The following ADAMTSL2 variants were observed in gnomAD, a reference collection of about 807,000 sequenced individuals.
ADAMTSL2 encodes the protein ADAMTS like 2.
In ADAMTSL2, 55 loss-of-function variants were observed where a neutral mutation model predicts 117.0. The observed-to-expected ratio is 0.47, with a 90% CI of 0.38 to 0.59. The LOEUF is 0.59. Ranked by LOEUF, ADAMTSL2 falls within the 20% of genes least tolerant of loss-of-function variation. The probability of loss-of-function intolerance (pLI) is 0.00; values close to 1 mark genes in which losing one functional copy is unlikely to be tolerated. For synonymous variants in ADAMTSL2, 572 were observed against 566.4 expected (o/e 1.01, Z -0.14); for missense variants, 1,182 against 1,354.5 (o/e 0.87, Z 2.00).
chr9:133,541,124 T>A, intron 7 of ADAMTSL2, 123 bp downstream of exon 7: 1 of 1,397,096 alleles, frequency 7.2e-7, no homozygotes, highest in Non-Finnish European at 9.9e-7. Flanking sequence ...TAGGGGCACC[T>A]GATTCAGCAT....
At chr9:133,546,731 C>A (rs528621443) in intron 8 of ADAMTSL2, among the ~76,000 whole-genome samples, 1 of 152,286 alleles carries the variant, frequency 6.6e-6, no homozygotes, top group South Asian at 2.1e-4. Flanking sequence ...TGTGGTGCGA[C>A]CTCATTACCT....
chr9:133,555,253 A>G (rs113986274), intron 10 of ADAMTSL2, among the ~76,000 whole-genome samples: 18,765 of 144,490 alleles, frequency 0.13, 1,357 homozygotes, highest in African/African-American at 0.19. Flanking sequence ...TTATATCTAC[A>G]ATGACCCTAT....
intron 4 of ADAMTSL2, among the ~76,000 whole-genome samples, 171 bp downstream of exon 4, chr9:133,538,595 A>T (rs903873337): frequency 3.3e-5 from 5 of 151,100 alleles, no homozygotes; most frequent in African/African-American, 1.2e-4. Flanking sequence ...CTGGGCTAGT[A>T]CGGAGCCATC....
intron 17 of ADAMTSL2, 83 bp downstream of exon 17, chr9:133,570,590 A>T: frequency 6.9e-7 from 1 of 1,454,242 alleles, no homozygotes; most frequent in Non-Finnish European, 9.4e-7. Flanking sequence ...AAGCCTCCTT[A>T]AGTGCTTCCT....
intron 7 of ADAMTSL2, 75 bp from the exon 8 acceptor site, chr9:133,544,395 C>T (rs376755756): frequency 4.2e-6 from 5 of 1,204,320 alleles, no homozygotes; most frequent in African/African-American, 1.5e-5. Flanking sequence ...CCTCCAATAG[C>T]TGTGGAGTGG....
At chr9:133,551,109 A>T (rs772323746) in intron 9 of ADAMTSL2, among the ~76,000 whole-genome samples, 1 of 152,070 alleles carries the variant, frequency 6.6e-6, no homozygotes, top group Non-Finnish European at 1.5e-5. Context: ...CATCACACCG[A>T]TGCTTACATC....
In ADAMTSL2 at chr9:133,544,485, C is replaced by A; in HGVS notation, c.698C>A (p.Thr233Asn). 1 of 1,614,058 alleles carries A rather than the reference C, an allele frequency of 6.2e-7. No homozygotes were observed. The highest frequency in any genetic ancestry group is 8.5e-7 in the Non-Finnish European group (1 of 1,179,902). Residue 233 changes from threonine (T) to asparagine (N), a missense_variant, in exon 8 of 19, where the codon ACC becomes AAC. Around this residue, in one of 3 missense-constraint regions of ADAMTSL2, gnomAD observed 372 missense variants for 463.4 expected, o/e 0.80. Coordinates refer to ENST00000651351, the MANE Select transcript of ADAMTSL2 (RefSeq NM_014694.4). ...GNAHLGYSLVTHIPAGARDIQ... is the reference protein window; with the variant it reads ...GNAHLGYSLVNHIPAGARDIQ... ...TTGCCTCCAGGTTACTCTCTGGTGA[C>A]CCACATCCCGGCTGGTGCCCGAGAC...
chr9:133,539,685 T>C, intron 4 of ADAMTSL2, 86 bp from the exon 5 acceptor site: 1 of 1,344,024 alleles, frequency 7.4e-7, no homozygotes, highest in Non-Finnish European at 1.0e-6. Context: ...CTGTCCCGGC[T>C]GCAGCCACTT....
rs886063653 is a variant in ADAMTSL2 at position 133,575,441 on chromosome 9, G to A, written c.*577G>A. The A allele has an allele frequency of 3.7e-5, 6 of 160,600 alleles. 1 individual carries two copies. The South Asian group carries it at 5.4e-4, about 14-fold the overall frequency. 9.9% of individuals were successfully genotyped at this position (160,600 alleles called of 1,614,324 possible). On this transcript the variant is annotated 3_prime_UTR_variant, in exon 19 of 19. Transcript: ENST00000651351. ...AGGCGCTTGCCCACGGGACGTTTGG[G>A]GATGGACCTCGGCCCCCGCCCCTGC...
intron 16 of ADAMTSL2, 25 bp downstream of exon 16, chr9:133,569,603 G>C: frequency 6.4e-7 from 1 of 1,552,812 alleles, no homozygotes; most frequent in South Asian, 1.2e-5. Context: ...GCCCGCGGAA[G>C]GGCCTCCTGG....
At position 133,540,843 on chromosome 9, in the gene ADAMTSL2, C is replaced by A. The variant is rs28504582; in HGVS notation, c.559-35C>A. The A allele has an allele frequency of 0.15, 249,346 of 1,613,020 alleles. 21,842 individuals are homozygous for A. Among genetic ancestry groups the A allele is most frequent in the Non-Finnish European group, 0.18 (217,272 of 1,179,804 alleles). ...CGGCCCCGGGGCCTGGCCACAGCGC[C>A]CTCCCAGCAGCCCTCTCCCTCTCCC... On this transcript the variant is annotated intron_variant, in intron 6 of 18. Transcript: ENST00000651351.
chr9:133,571,725 C>A (rs1220581768), intron 17 of ADAMTSL2, among the ~76,000 whole-genome samples: 1 of 152,204 alleles, frequency 6.6e-6, no homozygotes, highest in Non-Finnish European at 1.5e-5. Context: ...CCGCCTCACA[C>A]CTGGCAATGC....
In ADAMTSL2 at chr9:133,558,515, G is replaced by A. The variant is rs903529874; in HGVS notation, c.1649+2585G>A. On this transcript the variant is annotated intron_variant, in intron 11 of 18. Transcript: ENST00000651351. This position sits in a 1 kb window ranked among gnomAD's most constrained non-coding sequence, Gnocchi z 4.3. ...AGCTTCTGAGACACAGAGACGCGGA[G>A]TCCCTCTCCGCAGCCTTGGGGGGAG... Among the ~76,000 whole-genome samples, 1 of 152,234 alleles carries A rather than the reference G, an allele frequency of 6.6e-6. No homozygotes were observed. Among genetic ancestry groups the A allele is most frequent in the Admixed American group, 6.5e-5 (1 of 15,290 alleles).
chr9:133,562,990 C>T (rs868279766), intron 12 of ADAMTSL2, among the ~76,000 whole-genome samples: 1,604 of 148,810 alleles, frequency 0.011, 47 homozygotes, highest in African/African-American at 0.038. Flanking sequence ...TGGCCAGGCT[C>T]GCACCGCTGT....
chr9:133,555,824 C>G lies in ADAMTSL2; in HGVS notation c.1543C>G (p.Leu515Val). 13 of 1,613,788 alleles carry G rather than the reference C, an allele frequency of 8.1e-6. No individual in the cohort carries two copies. Among genetic ancestry groups the G allele is most frequent in the Non-Finnish European group, 1.1e-5 (13 of 1,180,032 alleles). ...AGPYLLNGSY[L>V]ELSSDRVANS... ...CCCTTACCTGCTCAACGGGTCCTAC[C>G]TGGAGCTGAGCAGCGACAGGGTTGC... The change falls in exon 11 of 19, where the codon CTG becomes GTG. Residue 515 changes from leucine (L) to valine (V), a missense_variant. Physicochemically the swap from Leu to Val is conservative, Grantham distance 32. Around this residue, in one of 3 missense-constraint regions of ADAMTSL2, gnomAD observed 345 missense variants for 325.8 expected, o/e 1.06. Coordinates refer to ENST00000651351, the MANE Select transcript of ADAMTSL2 (RefSeq NM_014694.4).
intron 11 of ADAMTSL2, among the ~76,000 whole-genome samples, chr9:133,559,607 C>T (rs1389654643): frequency 6.6e-6 from 1 of 151,556 alleles, no homozygotes; most frequent in Non-Finnish European, 1.5e-5. Context: ...CCGCCTCGGC[C>T]TCCCAAAGTG....
At chr9:133,548,587 A>G (rs9776611) in intron 9 of ADAMTSL2, among the ~76,000 whole-genome samples, 126,485 of 149,984 alleles carry the variant, frequency 0.84, 54,225 homozygotes, top group Non-Finnish European at 0.92. Flanking sequence ...AGACAGAGGG[A>G]GCAGCTGAGT....
At chr9:133,537,352 TG>T in intron 2 of ADAMTSL2, 52 bp from the exon 3 acceptor site, 1 of 1,328,302 alleles carries the variant, frequency 7.5e-7, no homozygotes, top group Non-Finnish European at 9.7e-7. Flanking sequence ...GGGGGCAGGC[TG>T]GTCCTCCTGG....
chr9:133,562,874 G>A (rs34162415), intron 12 of ADAMTSL2, among the ~76,000 whole-genome samples: 1,322 of 125,848 alleles, frequency 0.011, 91 homozygotes, highest in African/African-American at 0.041. Flanking sequence ...TGTGGGAGGC[G>A]TGGTGGGCAC....
Sources: gnomAD v4.1 joint callset for allele counts (sites outside exome capture counted in the v4.1 genomes callset) on GRCh38, gnomAD v4.1.1 for gene constraint, gnomAD v4.1.1 regional missense constraint, Gnocchi (gnomAD v3.1) non-coding constraint, MANE v1.5 for transcripts, NCBI Gene and HGNC (gene_info 2026-07-23, HGNC 2026-07-21) for gene names.